TOPBP1: variants seen among roughly 807,000 people sequenced by gnomAD.
TOPBP1 encodes the protein DNA topoisomerase 2-binding protein 1.
A neutral mutation model predicts 167.7 loss-of-function variants in TOPBP1; 28 were observed. The ratio of observed to expected loss-of-function variants is 0.17; its 90% CI spans 0.12 to 0.23. The LOEUF is 0.23. Among genes scored for constraint, TOPBP1 ranks in the 10% least tolerant of loss-of-function variants. The pLI, the probability that TOPBP1 is intolerant of heterozygous loss-of-function variation, is 1.00. For missense variants in TOPBP1, 1,554 were observed against 1,809.6 expected, an observed-to-expected ratio of 0.86 and a Z score of 2.56; for synonymous variants, 598 against 611.4, an observed-to-expected ratio of 0.98 and a Z score of 0.32.
intron 6 of TOPBP1, 143 bp downstream of exon 6, chr3:133,655,147 G>A (rs1357229362): frequency 2.8e-6 from 1 of 360,324 alleles, no homozygotes; most frequent in African/African-American, 2.2e-5. Context: ...AGAGGTTGCA[G>A]TGAGCTGAGA....
chr3:133,655,566 G>A (rs1242492422), intron 5 of TOPBP1, 80 bp from the exon 6 acceptor site: 3 of 739,094 alleles, frequency 4.1e-6, no homozygotes, highest in Admixed American at 4.1e-5. Context: ...TATCACTATT[G>A]CTTCCCTCAT....
At position 133,613,589 on chromosome 3, in the gene TOPBP1, C is replaced by G. The variant is rs369787601; in HGVS notation, c.3872-1037G>C. Among the ~76,000 whole-genome samples the G allele has an allele frequency of 2.4e-4, 36 of 151,978 alleles. 1 individual carries two copies. Among genetic ancestry groups the G allele is most frequent in the African/African-American group, 6.8e-4 (28 of 41,434 alleles). On this transcript the variant is annotated intron_variant, in intron 23 of 27. Transcript: ENST00000260810. ...GAGAAGCTTGGGAAGAAAACACACA[C>G]AGATAAATAAGAGATGAAGCAGCAG...
intron 14 of TOPBP1, among the ~76,000 whole-genome samples, chr3:133,632,101 A>T (rs1017397188): frequency 6.6e-6 from 1 of 152,066 alleles, no homozygotes; most frequent in Non-Finnish European, 1.5e-5. Flanking sequence ...AACTGAGTCA[A>T]TTAAACCTCT....
intron 10 of TOPBP1, among the ~76,000 whole-genome samples, chr3:133,647,329 G>A (rs1158333787): frequency 6.6e-6 from 1 of 152,150 alleles, no homozygotes; most frequent in Non-Finnish European, 1.5e-5. Context: ...GGCATATTGA[G>A]TTTGTAAACT....
intron 27 of TOPBP1, among the ~76,000 whole-genome samples, chr3:133,608,128 T>A (rs955216095): frequency 6.6e-6 from 1 of 152,176 alleles, no homozygotes; most frequent in African/African-American, 2.4e-5. Flanking sequence ...GCCCACCATA[T>A]AGCAAATGCT....
intron 14 of TOPBP1, among the ~76,000 whole-genome samples, chr3:133,633,740 G>C (rs760498475): frequency 3.3e-5 from 5 of 152,172 alleles, no homozygotes; most frequent in Admixed American, 6.5e-5. Flanking sequence ...ATAATGGGCT[G>C]TGATCATGCC....
At chr3:133,639,069 T>G (rs1935776421) in intron 13 of TOPBP1, among the ~76,000 whole-genome samples, 1 of 152,156 alleles carries the variant, frequency 6.6e-6, no homozygotes, top group African/African-American at 2.4e-5. Context: ...CTCAAAGATC[T>G]AGAACTAGAA....
intron 10 of TOPBP1, among the ~76,000 whole-genome samples, chr3:133,646,684 C>T (rs1374661766): frequency 6.6e-6 from 1 of 150,908 alleles, no homozygotes; most frequent in African/African-American, 2.4e-5. Context: ...TTCAGTTATA[C>T]CACAGCATCC....
chr3:133,604,333 C>T (rs1004802722), intron 27 of TOPBP1, among the ~76,000 whole-genome samples: 2 of 151,436 alleles, frequency 1.3e-5, no homozygotes, highest in Admixed American at 6.6e-5. Flanking sequence ...GACAGGGTTT[C>T]GCTATGTTGG....
intron 16 of TOPBP1, among the ~76,000 whole-genome samples, chr3:133,625,419 T>C (rs1470984148): frequency 6.6e-6 from 1 of 152,208 alleles, no homozygotes; most frequent in East Asian, 1.9e-4. Context: ...ATCTCTGAGC[T>C]TTTTAAATAG....
At position 133,617,274 on chromosome 3, in the gene TOPBP1, G is replaced by T; in HGVS notation, c.3645C>A (p.Ile1215=). 3.1e-6 allele frequency: 5 copies of T among 1,613,810 alleles called. No homozygotes were observed. Among genetic ancestry groups the T allele is most frequent in the Non-Finnish European group, 4.2e-6 (5 of 1,179,830 alleles). The change falls in exon 22 of 28, where the codon ATC becomes ATA. Residue 1215 remains isoleucine, a synonymous_variant. Coordinates refer to ENST00000260810, the MANE Select transcript of TOPBP1 (RefSeq NM_007027.4). ...TTATGGGAGTTTCCAGTTCTTCAGA[G>T]ATTGGGTGTTTGGGAGCTTCAGTCA... is the stretch of plus-strand genomic sequence containing the variant. ...IRVTEAPKHP[I]SEELETPIKD...
In TOPBP1 at chr3:133,643,214, G is replaced by C. The variant is rs1460591017; in HGVS notation, c.2007C>G (p.Asn669Lys). The C allele has an allele frequency of 6.3e-7, 1 of 1,595,760 alleles. No homozygotes were observed. The highest frequency in any genetic ancestry group is 1.4e-5 in the African/African-American group (1 of 73,936). The change falls in exon 12 of 28, where the codon AAC (asparagine) becomes AAG (lysine). Residue 669 changes from asparagine (N) to lysine (K), a missense_variant. This residue lies in a region of TOPBP1 where 1,197 missense variants were observed against 1,351.5 expected (regional missense o/e 0.89). Transcript: ENST00000260810. ...AEKESLTFLANLLGASVQEYF... is the reference protein window; with the variant it reads ...AEKESLTFLAKLLGASVQEYF... ...ATATTACATACCTTGCTCCAAGGAG[G>C]TTTGCTAGGAATGTTAAAGACTCTT... is the stretch of plus-strand genomic sequence containing the variant.
intron 27 of TOPBP1, among the ~76,000 whole-genome samples, chr3:133,604,233 C>G (rs982140177): frequency 2.0e-5 from 3 of 151,738 alleles, no homozygotes; most frequent in Admixed American, 6.6e-5. Context: ...CTCCCAGGTT[C>G]AAGCGATTCT....
rs1934909234 is a variant in TOPBP1, at chr3:133,616,864, G to A, written c.3821C>T (p.Ser1274Phe). Residue 1274 changes from serine (S) to phenylalanine (F), a missense_variant, in exon 23 of 28, where the codon TCT becomes TTT. Transcript: ENST00000260810. Reference protein sequence around the residue: ...LKKQYIFQLSSLNPQERIDYC... With the variant: ...LKKQYIFQLSFLNPQERIDYC... ...GTCAATACGTTCTTGAGGATTCAGAGATGATAACTGAAATATGTACTGTTT... is the reference window on the plus strand; with the variant it reads ...GTCAATACGTTCTTGAGGATTCAGAAATGATAACTGAAATATGTACTGTTT... The A allele has an allele frequency of 6.4e-7, 1 of 1,560,578 alleles. No individual in the cohort carries two copies. The highest frequency in any genetic ancestry group is 8.7e-7 in the Non-Finnish European group (1 of 1,155,100).
intron 10 of TOPBP1, among the ~76,000 whole-genome samples, chr3:133,645,485 GT>G (rs1315237279): frequency 6.6e-6 from 1 of 152,148 alleles, no homozygotes; most frequent in Non-Finnish European, 1.5e-5. Context: ...ATTCCGGAAA[GT>G]TTTTTAAACA....
intron 14 of TOPBP1, among the ~76,000 whole-genome samples, chr3:133,629,755 G>A (rs1449671975): frequency 6.6e-6 from 1 of 151,916 alleles, no homozygotes; most frequent in African/African-American, 2.4e-5. Context: ...TACTGAATGA[G>A]GTTAAATATC....
chr3:133,651,040 T>G (rs1936276252), intron 8 of TOPBP1, among the ~76,000 whole-genome samples: 1 of 151,164 alleles, frequency 6.6e-6, no homozygotes, highest in Non-Finnish European at 1.5e-5. Context: ...GATGTTGCAG[T>G]GAGCTGAGAT....
chr3:133,650,507 TAA>T (rs1288050292), intron 8 of TOPBP1, among the ~76,000 whole-genome samples: 4 of 152,036 alleles, frequency 2.6e-5, no homozygotes, highest in East Asian at 1.9e-4. Flanking sequence ...AAAATATATA[TAA>T]GTCAAAGAAC....
chr3:133,610,254 T>C (rs1934629401), intron 25 of TOPBP1, among the ~76,000 whole-genome samples: 1 of 152,166 alleles, frequency 6.6e-6, no homozygotes, highest in Non-Finnish European at 1.5e-5. Flanking sequence ...AAGTTATGAT[T>C]CCATGAAAGA....
Sources: gnomAD v4.1 joint callset for allele counts (sites outside exome capture counted in the v4.1 genomes callset) on GRCh38, gnomAD v4.1.1 for gene constraint, gnomAD v4.1.1 regional missense constraint, MANE v1.5 for transcripts, NCBI Gene and HGNC (gene_info 2026-07-23, HGNC 2026-07-21) for gene names.